PGM5: variants seen among roughly 807,000 people sequenced by gnomAD.
PGM5 encodes the protein phosphoglucomutase-like protein 5.
PGM5 carries 23 observed loss-of-function variants against 59.2 expected under a neutral mutation model. The observed-to-expected ratio is 0.39, with a 90% CI of 0.28 to 0.55. PGM5 has a LOEUF of 0.55. Among genes scored for constraint, PGM5 ranks in the 20% least tolerant of loss-of-function variants. PGM5 has a pLI of 0.66. For synonymous variants in PGM5, 214 were observed against 286.0 expected (o/e 0.75, Z 2.54); for missense variants, 574 against 748.3 (o/e 0.77, Z 2.72).
At position 68,376,902 on chromosome 9, in the gene PGM5, C is replaced by T. The variant is rs1427415854; in HGVS notation, c.262-1297C>T. Among the ~76,000 whole-genome samples the T allele has an allele frequency of 2.9e-4, 33 of 114,342 alleles. 3 individuals are homozygous for T. Among genetic ancestry groups the T allele is most frequent in the African/African-American group, 5.2e-4 (15 of 28,956 alleles). 75.0% of individuals were successfully genotyped at this position (114,342 alleles called of 152,430 possible). A position where few individuals can be genotyped will look rare whatever the true frequency, so the allele number is the denominator to read the frequency against. On this transcript the variant is annotated intron_variant, in intron 1 of 10. Transcript: ENST00000396396. ...TCTTTCTTTTTTTCTTTCTTTCTCTCTCTTTCTTTCTTTCTTTTTCTTTCT... is the reference window on the plus strand; with the variant it reads ...TCTTTCTTTTTTTCTTTCTTTCTCTTTCTTTCTTTCTTTCTTTTTCTTTCT...
intron 6 of PGM5, among the ~76,000 whole-genome samples, chr9:68,447,430 G>T (rs1277552878): frequency 6.6e-6 from 1 of 152,210 alleles, no homozygotes. Context: ...GAGAGAGAGA[G>T]AGAGAGAGCT....
intron 3 of PGM5, among the ~76,000 whole-genome samples, chr9:68,385,230 T>TAAA (rs1554678760): frequency 2.0e-5 from 3 of 149,308 alleles, no homozygotes; most frequent in African/African-American, 7.4e-5. Flanking sequence ...CATGTATGTA[T>TAAA]ACATTTTCCC....
intron 10 of PGM5, among the ~76,000 whole-genome samples, chr9:68,528,519 G>A (rs1002433133): frequency 1.3e-5 from 2 of 152,202 alleles, no homozygotes; most frequent in Non-Finnish European, 2.9e-5. Flanking sequence ...TTACAGGCAT[G>A]AGCCACCACG....
At position 68,487,797 on chromosome 9, in the gene PGM5, G is replaced by A. The variant is rs573774428; in HGVS notation, c.1479+3749G>A. Among the ~76,000 whole-genome samples the A allele has an allele frequency of 6.7e-4, 102 of 152,318 alleles. No individual in the cohort carries two copies. In the South Asian group the frequency reaches 0.02, roughly 30 times the overall value. On this transcript the variant is annotated intron_variant, in intron 9 of 10. Transcript: ENST00000396396. ...CAGCTTTCTGCTCCAGAGCACCCAA[G>A]GCAACCTTGGTGCCATTGTAAATCG...
chr9:68,496,931 T>C (rs1824491126), intron 9 of PGM5: 1 of 152,210 alleles, frequency 6.6e-6, no homozygotes, highest in Non-Finnish European at 1.5e-5. Context: ...CTTTAACCAA[T>C]TTATGGGTAA....
At chr9:68,467,406 T>G (rs1211169537) in intron 7 of PGM5, among the ~76,000 whole-genome samples, 2 of 152,222 alleles carry the variant, frequency 1.3e-5, no homozygotes, top group African/African-American at 4.8e-5. Context: ...CACTTGACTG[T>G]GTGGTCATCT....
intron 6 of PGM5, among the ~76,000 whole-genome samples, chr9:68,450,439 G>T (rs1823677289): frequency 6.6e-6 from 1 of 152,092 alleles, no homozygotes; most frequent in Non-Finnish European, 1.5e-5. Flanking sequence ...TCTTCCGAAG[G>T]TGAATGATCA....
chr9:68,410,036 C>T (rs1218470236), intron 6 of PGM5, among the ~76,000 whole-genome samples: 1 of 152,158 alleles, frequency 6.6e-6, no homozygotes, highest in African/African-American at 2.4e-5. Flanking sequence ...GGCCACATTG[C>T]GTCTAGCTCA....
chr9:68,492,076 T>A (rs1824400282), intron 9 of PGM5, among the ~76,000 whole-genome samples: 1 of 152,200 alleles, frequency 6.6e-6, no homozygotes, highest in African/African-American at 2.4e-5. Context: ...TCTATTGGAA[T>A]ACTAATGTCT....
chr9:68,442,025 A>C (rs1403587526), intron 6 of PGM5, among the ~76,000 whole-genome samples: 1 of 152,200 alleles, frequency 6.6e-6, no homozygotes, highest in East Asian at 1.9e-4. Flanking sequence ...TACATGATCG[A>C]TATGCTGAAA....
At chr9:68,420,340 G>A (rs904698791) in intron 6 of PGM5, among the ~76,000 whole-genome samples, 38 of 152,146 alleles carry the variant, frequency 2.5e-4, no homozygotes, top group African/African-American at 8.7e-4. Flanking sequence ...GAGTACAACT[G>A]AAGGAAACTG....
chr9:68,404,938 C>G (rs1165205290), intron 6 of PGM5: 4 of 152,216 alleles, frequency 2.6e-5, no homozygotes, highest in Non-Finnish European at 5.9e-5. Context: ...CAGCAGCTCA[C>G]ATGATACTAC....
chr9:68,404,452 A>G (rs1287260613), intron 6 of PGM5, among the ~76,000 whole-genome samples: 10 of 152,176 alleles, frequency 6.6e-5, no homozygotes, highest in Admixed American at 1.3e-4. Context: ...TGAGATAGAC[A>G]ACACTGATGA....
chr9:68,452,657 G>C (rs1432155471), intron 6 of PGM5, among the ~76,000 whole-genome samples: 1 of 152,110 alleles, frequency 6.6e-6, no homozygotes, highest in Non-Finnish European at 1.5e-5. Flanking sequence ...ACTGCTCAGG[G>C]GAACAGAGAA....
At chr9:68,377,769 T>C (rs1242436733) in intron 1 of PGM5, among the ~76,000 whole-genome samples, 1 of 152,288 alleles carries the variant, frequency 6.6e-6, no homozygotes, top group Admixed American at 6.5e-5. Flanking sequence ...CCCCTTGCTC[T>C]CTGAGCTTGT....
chr9:68,392,234 G>T, intron 5 of PGM5, 85 bp from the exon 6 acceptor site: 1 of 1,513,546 alleles, frequency 6.6e-7, no homozygotes. Flanking sequence ...ATATAAGATG[G>T]CAGTAAAGTG....
In PGM5 at chr9:68,391,696, G is replaced by T; in HGVS notation, c.860G>T (p.Gly287Val). 2 of 1,613,096 alleles carry T rather than the reference G, an allele frequency of 1.2e-6. No individual in the cohort carries two copies. Among genetic ancestry groups the T allele is most frequent in the Non-Finnish European group, 1.7e-6 (2 of 1,179,326 alleles). The stretch of plus-strand genomic sequence containing the variant: ...GAAGCAATGAAAGGAGGAGAATATG[G>T]ATTTGGAGCTGCATTTGATGCTGAT... ...LLEAMKGGEY[G>V]FGAAFDADGD... Residue 287 changes from glycine (G) to valine (V), a missense_variant, in exon 5 of 11, where the codon GGA becomes GTA. Transcript: ENST00000396396.
At chr9:68,456,262 C>G (rs1823773055) in intron 6 of PGM5, among the ~76,000 whole-genome samples, 1 of 151,552 alleles carries the variant, frequency 6.6e-6, no homozygotes, top group Admixed American at 6.6e-5. Context: ...CATGATACTT[C>G]ACCAACATTT....
intron 3 of PGM5, among the ~76,000 whole-genome samples, chr9:68,386,847 G>A (rs549497088): frequency 1.3e-5 from 2 of 152,134 alleles, no homozygotes; most frequent in African/African-American, 2.4e-5. Context: ...CTAGATACTG[G>A]AAAGCATTTG....
Sources: allele counts gnomAD v4.1 joint callset (sites outside exome capture counted in the v4.1 genomes callset), GRCh38; gene constraint gnomAD v4.1.1; transcripts MANE v1.5; gene names NCBI Gene and HGNC (gene_info 2026-07-23, HGNC 2026-07-21).